SLC24A2: variants seen among roughly 807,000 people sequenced by gnomAD.
The protein encoded by SLC24A2 is solute carrier family 24 member 2.
Under a neutral mutation model 62.0 loss-of-function variants are expected in SLC24A2, and 36 were observed. That is an observed-to-expected ratio of 0.58 (90% CI 0.44 to 0.77). The LOEUF (loss-of-function observed/expected upper bound fraction) is 0.77. Ranked by LOEUF, SLC24A2 falls within the 30% of genes least tolerant of loss-of-function variation. SLC24A2 has a pLI of 0.00. For missense variants in SLC24A2, 846 were observed against 817.9 expected, an observed-to-expected ratio of 1.03 and a Z score of -0.42; for synonymous variants, 358 against 294.0, an observed-to-expected ratio of 1.22 and a Z score of -2.23.
the SLC24A2 span, among the ~76,000 whole-genome samples, chr9:20,107,073 A>G: frequency 6.6e-6 from 1 of 152,248 alleles, no homozygotes; most frequent in African/African-American, 2.4e-5. Flanking sequence ...ACAGAGAGCC[A>G]TGAGTGAATT....
chr9:20,003,610 G>C, the SLC24A2 span, among the ~76,000 whole-genome samples: 1 of 152,116 alleles, frequency 6.6e-6, no homozygotes, highest in Non-Finnish European at 1.5e-5. Context: ...GATTCCACTT[G>C]ATAGAATGAA....
At chr9:19,961,321 T>G in the SLC24A2 span, among the ~76,000 whole-genome samples, 2 of 152,148 alleles carry the variant, frequency 1.3e-5, no homozygotes, top group Admixed American at 1.3e-4. Context: ...AAGGAAAATA[T>G]TTTTAGTAAA....
At chr9:19,994,440 A>G in the SLC24A2 span, among the ~76,000 whole-genome samples, 1 of 152,200 alleles carries the variant, frequency 6.6e-6, no homozygotes, top group South Asian at 2.1e-4. Context: ...CCTGACTAGA[A>G]CACTGCCAAT....
At chr9:19,949,051 T>TTGCCTA in the SLC24A2 span, among the ~76,000 whole-genome samples, 1 of 151,910 alleles carries the variant, frequency 6.6e-6, no homozygotes, top group African/African-American at 2.4e-5. Context: ...TGGAGTGCAG[T>TTGCCTA]GGTGCCATCT....
intron 2 of SLC24A2, among the ~76,000 whole-genome samples, chr9:19,689,436 G>A (rs1377195910): frequency 6.6e-6 from 1 of 152,100 alleles, no homozygotes; most frequent in African/African-American, 2.4e-5. Flanking sequence ...AAAGCATTTT[G>A]GATATTAAGG....
chr9:20,215,827 G>A, the SLC24A2 span, among the ~76,000 whole-genome samples: 1 of 151,732 alleles, frequency 6.6e-6, no homozygotes, highest in African/African-American at 2.4e-5. Flanking sequence ...CAGCCACTAT[G>A]TTTGGTCCAA....
the SLC24A2 span, among the ~76,000 whole-genome samples, chr9:20,074,939 C>T: frequency 1.3e-5 from 2 of 152,050 alleles, no homozygotes; most frequent in Admixed American, 6.6e-5. Flanking sequence ...CCTAACTCTG[C>T]CTCTAATATG....
the SLC24A2 span, among the ~76,000 whole-genome samples, chr9:20,072,854 C>T: frequency 4.0e-4 from 61 of 152,206 alleles, no homozygotes; most frequent in African/African-American, 1.4e-3. Flanking sequence ...CCCGCTAATA[C>T]ATTAACCTTA....
At chr9:19,802,323 T>C in the SLC24A2 span, among the ~76,000 whole-genome samples, 1 of 152,226 alleles carries the variant, frequency 6.6e-6, no homozygotes, top group Non-Finnish European at 1.5e-5. Flanking sequence ...TTTTTATTTG[T>C]CTTTCATAGC....
chr9:20,097,720 A>ATTTT, the SLC24A2 span, among the ~76,000 whole-genome samples: 46 of 69,114 alleles, frequency 6.7e-4, 5 homozygotes, highest in African/African-American at 1.4e-3. Context: ...ATCTTAAATA[A>ATTTT]TTTTTTTTTT....
At chr9:20,074,390 T>C in the SLC24A2 span, among the ~76,000 whole-genome samples, 1 of 151,954 alleles carries the variant, frequency 6.6e-6, no homozygotes, top group African/African-American at 2.4e-5. Context: ...ATACTGTTTA[T>C]AAGGCTCACA....
the SLC24A2 span, among the ~76,000 whole-genome samples, chr9:20,089,791 C>A: frequency 3.4e-5 from 5 of 149,146 alleles, no homozygotes; most frequent in Admixed American, 3.4e-4. Flanking sequence ...CCAGAACTTA[C>A]AGCACACCAC....
chr9:19,833,057 G>T, the SLC24A2 span, among the ~76,000 whole-genome samples: 2 of 152,302 alleles, frequency 1.3e-5, no homozygotes, highest in East Asian at 3.9e-4. Context: ...TCTCACACCA[G>T]TTAGAATGGC....
chr9:20,006,762 T>C, the SLC24A2 span, among the ~76,000 whole-genome samples: 4 of 152,178 alleles, frequency 2.6e-5, no homozygotes, highest in African/African-American at 9.7e-5. Flanking sequence ...GGGCAGTCTA[T>C]ACAGTATCAA....
At chr9:19,859,162 A>G in the SLC24A2 span, among the ~76,000 whole-genome samples, 1 of 152,242 alleles carries the variant, frequency 6.6e-6, no homozygotes, top group African/African-American at 2.4e-5. Context: ...AATACTATGC[A>G]GCCATATAAA....
At chr9:19,537,094 G>A (rs1380787488) in intron 8 of SLC24A2, among the ~76,000 whole-genome samples, 3 of 151,406 alleles carry the variant, frequency 2.0e-5, no homozygotes, top group Non-Finnish European at 4.4e-5. Flanking sequence ...TGTAGATTCT[G>A]GATATTAGCC....
the SLC24A2 span, among the ~76,000 whole-genome samples, chr9:19,883,346 T>A: frequency 6.6e-6 from 1 of 152,202 alleles, no homozygotes; most frequent in East Asian, 1.9e-4. Flanking sequence ...AATGCTTTCC[T>A]AAATTGTGTA....
chr9:19,600,434 C>A (rs1363654186), intron 4 of SLC24A2, among the ~76,000 whole-genome samples: 3 of 152,182 alleles, frequency 2.0e-5, no homozygotes, highest in Admixed American at 6.5e-5. Flanking sequence ...GATGTAACAA[C>A]TCCCAATTGT....
the SLC24A2 span, among the ~76,000 whole-genome samples, chr9:20,071,433 T>C: frequency 6.6e-6 from 1 of 152,182 alleles, no homozygotes; most frequent in Non-Finnish European, 1.5e-5. Context: ...AACAGTGCAA[T>C]GGTGAGACTT....
Sources: allele counts gnomAD v4.1 joint callset (sites outside exome capture counted in the v4.1 genomes callset), GRCh38; gene constraint gnomAD v4.1.1; transcripts MANE v1.5; gene names NCBI Gene and HGNC (gene_info 2026-07-23, HGNC 2026-07-21).